LRP6: variants seen among roughly 807,000 people sequenced by gnomAD.
The protein encoded by LRP6 is LDL receptor related protein 6, also known as low-density lipoprotein receptor-related protein 6.
Under a neutral mutation model 184.1 loss-of-function variants are expected in LRP6, and 43 were observed. The ratio of observed to expected loss-of-function variants is 0.23; its 90% CI spans 0.18 to 0.30. LRP6 has a LOEUF of 0.30. Ranked by LOEUF, LRP6 falls within the 10% of genes least tolerant of loss-of-function variation. LRP6 has a pLI of 1.00. For missense variants in LRP6, 1,571 were observed against 2,005.3 expected, an observed-to-expected ratio of 0.78 and a Z score of 4.14; for synonymous variants, 719 against 684.9, an observed-to-expected ratio of 1.05 and a Z score of -0.78.
chr12:12,229,155 G>A (rs1432377493), intron 2 of LRP6, among the ~76,000 whole-genome samples: 2 of 152,174 alleles, frequency 1.3e-5, no homozygotes, highest in Non-Finnish European at 2.9e-5. Context: ...TGGATCACCT[G>A]AGGTTGGGAG....
At chr12:12,126,505 C>T (rs541345417) in intron 20 of LRP6, among the ~76,000 whole-genome samples, 186 bp downstream of exon 20, 6 of 152,138 alleles carry the variant, frequency 3.9e-5, no homozygotes, top group South Asian at 4.1e-4. Context: ...TCTACCAAAC[C>T]ATATCTAAGG....
chr12:12,221,858 A>T (rs1319917817), intron 2 of LRP6, among the ~76,000 whole-genome samples: 1 of 152,224 alleles, frequency 6.6e-6, no homozygotes, highest in East Asian at 1.9e-4. Context: ...GATGACTTAA[A>T]ATATTTTATT....
intron 15 of LRP6, among the ~76,000 whole-genome samples, chr12:12,139,493 G>C (rs1032196933): frequency 1.3e-5 from 2 of 152,214 alleles, no homozygotes; most frequent in African/African-American, 2.4e-5. Flanking sequence ...GGAGGCTGAG[G>C]CAGGAGGATC....
rs1949581497 is a variant in LRP6 at position 12,120,023 on chromosome 12, ATATATATATATATATATAT to A, written c.*1084_*1102del. 2 of 112,732 alleles carry A rather than the reference ATATATATATATATATATAT, an allele frequency of 1.8e-5. No homozygotes were observed. The highest frequency in any genetic ancestry group is 8.6e-5 in the Admixed American group (1 of 11,656). 7.0% of individuals were successfully genotyped at this position (112,732 alleles called of 1,614,324 possible). On this transcript the variant is annotated 3_prime_UTR_variant, in exon 23 of 23. Transcript: ENST00000261349. ...TATATATATATATATATATATATATATATATATATATATATATATAAATGATTTCGTACTGTGATATATG... is the reference window on the plus strand; with the variant it reads ...TATATATATATATATATATATATATAAAATGATTTCGTACTGTGATATATG...
At chr12:12,183,621 T>G (rs886246527) in intron 5 of LRP6, among the ~76,000 whole-genome samples, 1 of 152,224 alleles carries the variant, frequency 6.6e-6, no homozygotes, top group African/African-American at 2.4e-5. Flanking sequence ...AAACATACTT[T>G]CTTTCACAGA....
intron 19 of LRP6, among the ~76,000 whole-genome samples, chr12:12,129,094 T>C (rs1433181180): frequency 1.3e-5 from 2 of 152,216 alleles, no homozygotes; most frequent in Non-Finnish European, 2.9e-5. Context: ...CTATATAACA[T>C]GGGTAAATAT....
At position 12,131,973 on chromosome 12, in the gene LRP6, A is replaced by T. The variant is rs1329110146; in HGVS notation, c.3818T>A (p.Phe1273Tyr). ...CIPVAWRCDG[F>Y]TECEDHSDEL... ...ATCACTGTGGTCTTCACATTCAGTAAACCCATCGCACCGCCAAGCCACAGG... is the reference window on the plus strand; with the variant it reads ...ATCACTGTGGTCTTCACATTCAGTATACCCATCGCACCGCCAAGCCACAGG... The change falls in exon 18 of 23, where the codon TTT becomes TAT. Residue 1273 changes from phenylalanine to tyrosine, a missense_variant. Physicochemically the swap from Phe to Tyr is conservative, Grantham distance 22 (BLOSUM62 3). Coordinates refer to ENST00000261349, the MANE Select transcript of LRP6 (RefSeq NM_002336.3). The T allele has an allele frequency of 6.2e-7, 1 of 1,614,144 alleles. No homozygotes were observed. Among genetic ancestry groups the T allele is most frequent in the Admixed American group, 1.7e-5 (1 of 60,012 alleles).
Position 12,266,667 on chromosome 12 carries a change from C to T in LRP6, c.55+14G>A, listed in dbSNP as rs1218309193. 5 of 1,612,332 alleles carry T rather than the reference C, an allele frequency of 3.1e-6. No homozygotes were observed. The African/African-American group carries it at 4.0e-5, about 13-fold the overall frequency. The stretch of plus-strand genomic sequence containing the variant: ...CGAACCCCACCAACTTTCCAGTGCC[C>T]CCACTCTTCCCACCTCTCAGGAGCA... On this transcript the variant is annotated intron_variant, in intron 1 of 22. Coordinates refer to ENST00000261349, the MANE Select transcript of LRP6 (RefSeq NM_002336.3).
At chr12:12,219,285 A>C (rs560848752) in intron 2 of LRP6, among the ~76,000 whole-genome samples, 5 of 152,146 alleles carry the variant, frequency 3.3e-5, no homozygotes, top group African/African-American at 1.2e-4. Flanking sequence ...GCTCACTGCA[A>C]CCTCCACCAC....
intron 7 of LRP6, among the ~76,000 whole-genome samples, chr12:12,169,967 A>T (rs1438975177): frequency 1.3e-5 from 2 of 151,828 alleles, no homozygotes; most frequent in African/African-American, 4.9e-5. Context: ...ACTGTCCAGG[A>T]GAAATATAAC....
In LRP6 at chr12:12,187,284, G is replaced by A; in HGVS notation, c.648-165C>T. On this transcript the variant is annotated intron_variant, in intron 3 of 22. Transcript: ENST00000261349. ...ACCTATAAAAAATAATTCACATAAT[G>A]AATTCATATATATTTTTAAGGTGTC... 5 of 653,278 alleles carry A rather than the reference G, an allele frequency of 7.7e-6. No individual in the cohort carries two copies. The South Asian group carries it at 9.2e-5, about 12-fold the overall frequency. 40.5% of individuals were successfully genotyped at this position (653,278 alleles called of 1,614,324 possible). A position where few individuals can be genotyped will look rare whatever the true frequency, so the allele number is the denominator to read the frequency against.
At chr12:12,125,223 C>T in intron 21 of LRP6, 73 bp downstream of exon 21, 1 of 1,558,308 alleles carries the variant, frequency 6.4e-7, no homozygotes, top group Non-Finnish European at 8.9e-7. Context: ...TATCACTGAT[C>T]ACCCACATTT....
rs747233365 is a variant in LRP6 at position 12,162,404 on chromosome 12, A to C, written c.2068T>G (p.Phe690Val). 4 of 1,613,912 alleles carry C rather than the reference A, an allele frequency of 2.5e-6. No individual in the cohort carries two copies. Among genetic ancestry groups the C allele is most frequent in the Non-Finnish European group, 3.4e-6 (4 of 1,179,756 alleles). ...DISLKTISRA[F>V]MNGSALEHVV... The stretch of plus-strand genomic sequence containing the variant: ...TGTTCCAGTGCACTGCCATTCATAA[A>C]GGCTCTGCTGATGGTCTGCAAAAGA... The change falls in exon 10 of 23, where the codon TTT (phenylalanine) becomes GTT (valine). Residue 690 changes from phenylalanine to valine, a missense_variant. By Grantham distance (50) the Phe-to-Val change is conservative (BLOSUM62 -1). This residue lies in a region of LRP6 where 640 missense variants were observed against 851.9 expected (regional missense o/e 0.75). Transcript: ENST00000261349.
At chr12:12,130,611 G>A (rs1014141679) in intron 19 of LRP6, among the ~76,000 whole-genome samples, 172 bp downstream of exon 19, 2 of 152,158 alleles carry the variant, frequency 1.3e-5, no homozygotes, top group Non-Finnish European at 2.9e-5. Flanking sequence ...AAACTGCTAT[G>A]TTTAAAGAAT....
chr12:12,192,787 T>C (rs752386859), intron 3 of LRP6, among the ~76,000 whole-genome samples: 3 of 151,932 alleles, frequency 2.0e-5, no homozygotes, highest in Non-Finnish European at 4.4e-5. Context: ...TTCAATAATA[T>C]AGTTGGAGAG....
intron 1 of LRP6, among the ~76,000 whole-genome samples, chr12:12,246,203 G>A (rs1387791784): frequency 2.0e-5 from 3 of 151,424 alleles, no homozygotes; most frequent in Admixed American, 6.6e-5. Flanking sequence ...GTGGGGTTTC[G>A]CCATGTTGAC....
intron 14 of LRP6, among the ~76,000 whole-genome samples, chr12:12,148,181 G>A (rs927509079): frequency 6.6e-6 from 1 of 151,752 alleles, no homozygotes; most frequent in Non-Finnish European, 1.5e-5. Flanking sequence ...TTATTAGGGA[G>A]CTTTCATAGA....
At chr12:12,260,401 T>G (rs1351326123) in intron 1 of LRP6, among the ~76,000 whole-genome samples, 1 of 150,610 alleles carries the variant, frequency 6.6e-6, no homozygotes, top group African/African-American at 2.4e-5. Context: ...AGAAAAAAAA[T>G]TTAGTGTCAT....
chr12:12,155,070 C>A (rs910445658), intron 12 of LRP6, among the ~76,000 whole-genome samples: 2 of 152,114 alleles, frequency 1.3e-5, no homozygotes, highest in Non-Finnish European at 2.9e-5. Context: ...GTGATGCACG[C>A]CTGTAAACTC....
Sources: allele counts gnomAD v4.1 joint callset (sites outside exome capture counted in the v4.1 genomes callset), GRCh38; gene constraint gnomAD v4.1.1; regional missense constraint gnomAD v4.1.1; transcripts MANE v1.5; gene names NCBI Gene and HGNC (gene_info 2026-07-23, HGNC 2026-07-21).